ZZEF1: variants seen among roughly 807,000 people sequenced by gnomAD.
The protein encoded by ZZEF1 is zinc finger ZZ-type and EF-hand domain containing 1.
ZZEF1 carries 157 observed loss-of-function variants against 342.8 expected under a neutral mutation model. The observed-to-expected ratio is 0.46, with a 90% CI of 0.40 to 0.52. ZZEF1 has a LOEUF of 0.52. Among genes scored for constraint, ZZEF1 ranks in the 20% least tolerant of loss-of-function variants. The pLI is 0.00. For missense variants in ZZEF1, 3,480 were observed against 3,725.6 expected (o/e 0.93, Z 1.72); for synonymous variants, 1,505 against 1,429.1 (o/e 1.05, Z -1.20).
chr17:4,100,760 G>GGGA (rs2058113988), intron 9 of ZZEF1, among the ~76,000 whole-genome samples: 1 of 152,148 alleles, frequency 6.6e-6, no homozygotes, highest in Non-Finnish European at 1.5e-5. Flanking sequence ...GCTTGAACCC[G>GGGA]GGAGGAGGAG....
chr17:4,024,214 T>TTTTTTTTTTC (rs1861906932), intron 43 of ZZEF1, among the ~76,000 whole-genome samples: 2 of 147,576 alleles, frequency 1.4e-5, no homozygotes, highest in East Asian at 2.0e-4. Flanking sequence ...TTTTTTTTTT[T>TTTTTTTTTTC]ACAGAGGGAG....
chr17:4,042,311 C>T (rs1233644490), intron 39 of ZZEF1, 118 bp downstream of exon 39: 1 of 1,135,274 alleles, frequency 8.8e-7, no homozygotes, highest in Non-Finnish European at 1.3e-6. Flanking sequence ...ATTATAACTT[C>T]TAATCCTACC....
At chr17:4,092,235 A>G (rs2057958659) in intron 11 of ZZEF1, among the ~76,000 whole-genome samples, 1 of 151,962 alleles carries the variant, frequency 6.6e-6, no homozygotes, top group Non-Finnish European at 1.5e-5. Flanking sequence ...AAACTACCAA[A>G]AAGAGGGAAT....
At chr17:4,030,041 A>G (rs2056507515) in intron 42 of ZZEF1, among the ~76,000 whole-genome samples, 2 of 151,344 alleles carry the variant, frequency 1.3e-5, no homozygotes, top group African/African-American at 4.8e-5. Flanking sequence ...AAAAAAAAAA[A>G]AGAAAAGAAA....
At chr17:4,024,185 GGTTTTTTTTTT>G (rs2056343735) in intron 43 of ZZEF1, among the ~76,000 whole-genome samples, 1 of 83,976 alleles carries the variant, frequency 1.2e-5, no homozygotes, top group African/African-American at 7.1e-5. Flanking sequence ...ATATTGCCCA[GGTTTTTTTTTT>G]TTTTTTTTTT....
chr17:4,110,807 T>C (rs1329643690), intron 5 of ZZEF1, among the ~76,000 whole-genome samples: 1 of 148,392 alleles, frequency 6.7e-6, no homozygotes, highest in Non-Finnish European at 1.5e-5. Context: ...CTCCGCCTCC[T>C]GGGTTCAAGT....
intron 7 of ZZEF1, 98 bp downstream of exon 7, chr17:4,105,595 G>T: frequency 1.0e-6 from 1 of 954,030 alleles, no homozygotes; most frequent in Non-Finnish European, 1.6e-6. Flanking sequence ...ATTTTTAGTG[G>T]TGATCGTTAA....
intron 41 of ZZEF1, 24 bp from the exon 42 acceptor site, chr17:4,032,282 G>C: frequency 6.2e-7 from 1 of 1,600,982 alleles, no homozygotes; most frequent in Non-Finnish European, 8.5e-7. Flanking sequence ...GACAGAGACA[G>C]AAAGGCAACT....
chr17:4,136,690 C>T (rs570565457), intron 1 of ZZEF1, among the ~76,000 whole-genome samples: 40 of 152,200 alleles, frequency 2.6e-4, no homozygotes, highest in African/African-American at 8.2e-4. Context: ...GGTCCCTTTT[C>T]GGGGGCAGAG....
chr17:4,063,145 T>C lies in ZZEF1; in HGVS notation c.4719-228A>G, dbSNP rs1003390970. On this transcript the variant is annotated intron_variant, in intron 29 of 54. Coordinates refer to ENST00000381638, the MANE Select transcript of ZZEF1 (RefSeq NM_015113.4). ...AACTGTCCAGAAGTCCGACAACCCA[T>C]TATTTAACTTAACGAATTAAAAAGG... Among the ~76,000 whole-genome samples the C allele has an allele frequency of 1.3e-5, 2 of 152,236 alleles. 1 individual carries two copies. Among genetic ancestry groups the C allele is most frequent in the Non-Finnish European group, 2.9e-5 (2 of 68,040 alleles).
chr17:4,017,179 A>T lies in ZZEF1; in HGVS notation c.8001+192T>A. 1 of 717,148 alleles carries T rather than the reference A, an allele frequency of 1.4e-6. No individual in the cohort carries two copies. The highest frequency in any genetic ancestry group is 2.2e-6 in the Non-Finnish European group (1 of 463,792). 44.4% of individuals were successfully genotyped at this position (717,148 alleles called of 1,614,324 possible). On this transcript the variant is annotated intron_variant, in intron 48 of 54. Coordinates refer to ENST00000381638, the MANE Select transcript of ZZEF1 (RefSeq NM_015113.4). The surrounding 1 kb of genome is among the most constrained non-coding windows in gnomAD (Gnocchi z 5.1). ...TCTGGTTCAGCTGGAAATCGCGCTC[A>T]GGGCCCCTGAGTTCCTCACTAGCCC...
At chr17:4,067,684 G>A (rs1308197261) in intron 26 of ZZEF1, among the ~76,000 whole-genome samples, 1 of 152,150 alleles carries the variant, frequency 6.6e-6, no homozygotes. Flanking sequence ...GAAGCCAAGT[G>A]CAGCAGCTCA....
intron 26 of ZZEF1, among the ~76,000 whole-genome samples, chr17:4,069,693 T>C (rs1293727736): frequency 1.3e-5 from 2 of 151,902 alleles, no homozygotes; most frequent in African/African-American, 4.8e-5. Flanking sequence ...TAGCCGGGCG[T>C]GTTGATGGGT....
At chr17:4,086,377 C>T in intron 15 of ZZEF1, 109 bp downstream of exon 15, 1 of 685,420 alleles carries the variant, frequency 1.5e-6, no homozygotes, top group Non-Finnish European at 1.9e-6. Flanking sequence ...CCCACAGCGG[C>T]AATCCCTTTC....
intron 16 of ZZEF1, among the ~76,000 whole-genome samples, chr17:4,082,869 G>A (rs1231684288): frequency 1.3e-5 from 2 of 152,068 alleles, no homozygotes; most frequent in South Asian, 4.1e-4. Context: ...TCTGCCTTCC[G>A]CGTTCAAGCA....
chr17:4,056,248 T>C lies in ZZEF1; in HGVS notation c.5263A>G (p.Ile1755Val). ...DGMFEAWYEK[I>V]AQEDPEKQRK... Reference sequence around the variant, plus strand: ...TGCTTCTCTGGATCTTCCTGGGCTATTTTTTCATACCAGGCCTCAAACATG... The same window carrying C: ...TGCTTCTCTGGATCTTCCTGGGCTACTTTTTCATACCAGGCCTCAAACATG... Residue 1755 changes from isoleucine (I) to valine (V), a missense_variant, in exon 33 of 55, where the codon ATA (isoleucine) becomes GTA (valine). Ile to Val is a conservative substitution (Grantham distance 29, BLOSUM62 3). Around this residue, in one of 5 missense-constraint regions of ZZEF1, gnomAD observed 175 missense variants for 254.6 expected, o/e 0.69. Transcript: ENST00000381638. The C allele has an allele frequency of 1.3e-6, 2 of 1,589,488 alleles. No homozygotes were observed. Among genetic ancestry groups the C allele is most frequent in the South Asian group, 2.3e-5 (2 of 85,392 alleles).
intron 19 of ZZEF1, 38 bp from the exon 20 acceptor site, chr17:4,077,027 T>C (rs936379929): frequency 9.8e-6 from 15 of 1,532,946 alleles, no homozygotes; most frequent in African/African-American, 8.4e-5. Context: ...TATTATATAG[T>C]AGAAATGTCA....
chr17:4,077,570 C>T (rs902535543), intron 19 of ZZEF1, among the ~76,000 whole-genome samples: 3 of 152,170 alleles, frequency 2.0e-5, no homozygotes, highest in Non-Finnish European at 2.9e-5. Context: ...TTGATTAAAA[C>T]AGGGATAGAC....
At chr17:4,092,087 A>AT (rs1555604394) in intron 11 of ZZEF1, among the ~76,000 whole-genome samples, 21,644 of 82,052 alleles carry the variant, frequency 0.26, 1,796 homozygotes, top group Admixed American at 0.3. Context: ...AAAAAAAAAA[A>AT]AAATAATAAA....
Sources: gnomAD v4.1 joint callset for allele counts (sites outside exome capture counted in the v4.1 genomes callset) on GRCh38, gnomAD v4.1.1 for gene constraint, gnomAD v4.1.1 regional missense constraint, Gnocchi (gnomAD v3.1) non-coding constraint, MANE v1.5 for transcripts, NCBI Gene and HGNC (gene_info 2026-07-23, HGNC 2026-07-21) for gene names.